LRRC56: variants seen among roughly 807,000 people sequenced by gnomAD.
LRRC56 encodes the protein leucine-rich repeat-containing protein 56.
Under a neutral mutation model 47.8 loss-of-function variants are expected in LRRC56, and 41 were observed. The ratio of observed to expected loss-of-function variants is 0.86; its 90% CI spans 0.67 to 1.11. The LOEUF is 1.11. Among genes scored for constraint, LRRC56 ranks in the 50% most tolerant of loss-of-function variants. The probability of loss-of-function intolerance (pLI) is 0.00; values close to 1 mark genes in which losing one functional copy is unlikely to be tolerated. For synonymous variants in LRRC56, 387 were observed against 311.2 expected, an observed-to-expected ratio of 1.24 and a Z score of -2.56; for missense variants, 759 against 704.2, an observed-to-expected ratio of 1.08 and a Z score of -0.88.
chr11:543,256 C>T (rs1186641378), intron 5 of LRRC56, among the ~76,000 whole-genome samples: 2 of 151,650 alleles, frequency 1.3e-5, no homozygotes, highest in Non-Finnish European at 2.9e-5. Context: ...CTCTTGTTGC[C>T]CAGGCTGGAG....
intron 5 of LRRC56, among the ~76,000 whole-genome samples, chr11:542,248 C>T (rs1000296997): frequency 1.3e-5 from 2 of 152,118 alleles, no homozygotes; most frequent in Non-Finnish European, 2.9e-5. Context: ...CACACACCCA[C>T]GCCAGCATCA....
the LRRC56 span, among the ~76,000 whole-genome samples, chr11:525,303 G>A: frequency 6.6e-6 from 1 of 151,698 alleles, no homozygotes; most frequent in African/African-American, 2.4e-5. Flanking sequence ...ACTTTGGGAG[G>A]CCAAGGCGGG....
At chr11:527,803 C>T in the LRRC56 span, among the ~76,000 whole-genome samples, 1 of 151,026 alleles carries the variant, frequency 6.6e-6, no homozygotes, top group Non-Finnish European at 1.5e-5. Context: ...TGGGTTCAAT[C>T]GATTCTCCTG....
chr11:534,259 G>A (rs121917757), upstream of LRRC56: 7 of 1,613,694 alleles, frequency 4.3e-6, no homozygotes, highest in South Asian at 1.1e-5. Flanking sequence ...TGGATCAGCT[G>A]GATGGTCAGC....
At chr11:533,205 C>G (rs916072009), upstream of LRRC56, 28 of 1,344,770 alleles carry the variant, frequency 2.1e-5, no homozygotes, top group Non-Finnish European at 2.6e-5. Context: ...TGTGTCGGCC[C>G]AGGACTGCAG....
At chr11:533,301 T>TGGGTCCCGGG, upstream of LRRC56, 1 of 1,600,458 alleles carries the variant, frequency 6.2e-7, no homozygotes, top group Non-Finnish European at 8.5e-7. Context: ...CTGGGTCACA[T>TGGGTCCCGGG]GGGTCCCGGG....
In LRRC56 at chr11:540,779, G is replaced by C; in HGVS notation, c.95G>C (p.Cys32Ser). 1 of 1,609,314 alleles carries C rather than the reference G, an allele frequency of 6.2e-7. No individual in the cohort carries two copies. Among genetic ancestry groups the C allele is most frequent in the Non-Finnish European group, 8.5e-7 (1 of 1,178,590 alleles). ...AGCTGGCAAGGCCTGCACAACCCCTGCCCACAGAGCAAGGGCCCTGGCAGT... is the reference window on the plus strand; with the variant it reads ...AGCTGGCAAGGCCTGCACAACCCCTCCCCACAGAGCAAGGGCCCTGGCAGT... The part of the protein sequence containing the change: ...ELSWQGLHNP[C>S]PQSKGPGSQR... Residue 32 changes from cysteine (C) to serine (S), a missense_variant, in exon 4 of 14, where the codon TGC becomes TCC. Transcript: ENST00000270115.
rs1315742690 is a variant in LRRC56 at position 550,072 on chromosome 11, G to A, written c.424G>A (p.Glu142Lys). The change falls in exon 8 of 14, where the codon GAA (glutamate) becomes AAA (lysine). Residue 142 changes from glutamate to lysine, a missense_variant and splice_region_variant. Coordinates refer to ENST00000270115, the MANE Select transcript of LRRC56 (RefSeq NM_198075.4). Reference protein sequence around the residue: ...DGIASLPALKELYASYNNISD... With the variant: ...DGIASLPALKKLYASYNNISD... ...TGGCTCAGAGCCCCGCGCTGCCCAG[G>A]AACTCTACGCCTCCTACAACAACAT... 3.7e-6 allele frequency: 6 copies of A among 1,611,896 alleles called. 1 individual carries two copies. Among genetic ancestry groups the A allele is most frequent in the Non-Finnish European group, 2.5e-6 (3 of 1,178,786 alleles).
At chr11:547,552 C>G (rs1401997156) in intron 6 of LRRC56, among the ~76,000 whole-genome samples, 1 of 151,504 alleles carries the variant, frequency 6.6e-6, no homozygotes, top group Non-Finnish European at 1.5e-5. Context: ...CGAGGTTTCA[C>G]CACGTTGGCC....
Position 540,871 on chromosome 11 carries a change from G to A in LRRC56, c.177+10G>A. 6.5e-7 allele frequency: 1 copy of A among 1,533,164 alleles called. No homozygotes were observed. The highest frequency in any genetic ancestry group is 8.8e-7 in the Non-Finnish European group (1 of 1,136,628). The allele number at this position is 1,533,164 out of a possible 1,614,324, so 95.0% of individuals were successfully genotyped here. A position where few individuals can be genotyped will look rare whatever the true frequency, so the allele number is the denominator to read the frequency against. On this transcript the variant is annotated intron_variant, in intron 4 of 13. Transcript: ENST00000270115. The stretch of plus-strand genomic sequence containing the variant: ...GTCCCCTGCCCGGCTGGTGAGTGTG[G>A]GCGCTGGGGGCTGTGGCCACAGAGG...
At chr11:548,410 T>C (rs1162056751) in intron 6 of LRRC56, among the ~76,000 whole-genome samples, 4 of 152,098 alleles carry the variant, frequency 2.6e-5, no homozygotes, top group African/African-American at 4.8e-5. Flanking sequence ...CCTCCTGAAG[T>C]GCCAGGATTA....
chr11:550,877 A>G (rs1852347411), intron 8 of LRRC56, among the ~76,000 whole-genome samples: 1 of 152,170 alleles, frequency 6.6e-6, no homozygotes, highest in South Asian at 2.1e-4. Flanking sequence ...TCCATGGGCC[A>G]GAGGGCATCC....
At chr11:514,680 A>T in the LRRC56 span, among the ~76,000 whole-genome samples, 3 of 152,184 alleles carry the variant, frequency 2.0e-5, no homozygotes, top group African/African-American at 7.2e-5. Context: ...AAAGTATTTT[A>T]AATTGAGGCA....
the LRRC56 span, chr11:532,472 T>C: frequency 8.7e-5 from 82 of 940,382 alleles, no homozygotes; most frequent in African/African-American, 8.3e-4. Flanking sequence ...TCCTCCTCCT[T>C]CCGTCTGCAC....
chr11:544,315 C>A (rs573248347), intron 5 of LRRC56, among the ~76,000 whole-genome samples: 40 of 152,204 alleles, frequency 2.6e-4, no homozygotes, highest in Admixed American at 5.9e-4. Flanking sequence ...GCCAGCCTGG[C>A]CCCAGTTCTC....
At chr11:534,564 C>T (rs1851339588), upstream of LRRC56, 2 of 587,558 alleles carry the variant, frequency 3.4e-6, no homozygotes, top group Admixed American at 3.0e-5. Flanking sequence ...GCCTCGCCCC[C>T]ACTTGCTCTT....
chr11:540,616 G>A lies in LRRC56; in HGVS notation c.-11-58G>A, dbSNP rs138615190. 1.6e-3 allele frequency: 2,379 copies of A among 1,485,388 alleles called. 55 individuals are homozygous for A. In the Admixed American group the frequency reaches 0.038, roughly 24 times the overall value. 92.0% of individuals were successfully genotyped at this position (1,485,388 alleles called of 1,614,324 possible). A position where few individuals can be genotyped will look rare whatever the true frequency, so the allele number is the denominator to read the frequency against. ...TGAGGGCTGGGCCAGGGTCTCAGCC[G>A]GGCTGCAGAGGAGGAGGAGCAACAG... On this transcript the variant is annotated intron_variant, in intron 3 of 13. Transcript: ENST00000270115.
chr11:532,576 C>T (rs900585423), upstream of LRRC56: 37 of 1,573,772 alleles, frequency 2.4e-5, no homozygotes, highest in African/African-American at 1.9e-4. Flanking sequence ...CCGGCAGGGG[C>T]GGGGAGCCGG....
chr11:533,815 C>CA, upstream of LRRC56: 1 of 1,613,424 alleles, frequency 6.2e-7, no homozygotes, highest in East Asian at 2.2e-5. Flanking sequence ...ATGGCAAACA[C>CA]ACACAGGAAG....
Sources: gnomAD v4.1 joint callset for allele counts (sites outside exome capture counted in the v4.1 genomes callset) on GRCh38, gnomAD v4.1.1 for gene constraint, MANE v1.5 for transcripts, NCBI Gene and HGNC (gene_info 2026-07-23, HGNC 2026-07-21) for gene names.